The following ARMC8 variants were observed in gnomAD, a reference collection of about 807,000 sequenced individuals.
ARMC8 encodes armadillo repeat-containing protein 8.
Under a neutral mutation model 99.3 loss-of-function variants are expected in ARMC8, and 20 were observed. That is an observed-to-expected ratio of 0.20 (90% confidence interval 0.14 to 0.29). The LOEUF (loss-of-function observed/expected upper bound fraction) is 0.29. Ranked by LOEUF, ARMC8 falls within the 10% of genes least tolerant of loss-of-function variation. ARMC8 has a pLI of 1.00. For missense variants in ARMC8, 569 were observed against 809.5 expected (o/e 0.70, Z 3.60); for synonymous variants, 263 against 278.3 (o/e 0.95, Z 0.55).
At chr3:138,196,226 T>C (rs997384384) in intron 1 of ARMC8, among the ~76,000 whole-genome samples, 1 of 152,184 alleles carries the variant, frequency 6.6e-6, no homozygotes, top group Non-Finnish European at 1.5e-5. Context: ...ACAGGATTTA[T>C]GCCTTTTTGG....
chr3:138,191,614 A>T (rs1394790756), intron 1 of ARMC8, among the ~76,000 whole-genome samples: 5 of 151,992 alleles, frequency 3.3e-5, no homozygotes. Flanking sequence ...CACCGCAAAG[A>T]TCTCCCTCAT....
At chr3:138,277,695 A>G (rs994698090) in intron 18 of ARMC8, among the ~76,000 whole-genome samples, 9 of 152,346 alleles carry the variant, frequency 5.9e-5, no homozygotes, top group Admixed American at 5.2e-4. Flanking sequence ...TGGAAATGCA[A>G]AATAATACAG....
At chr3:138,197,509 A>C (rs765161533) in intron 1 of ARMC8, among the ~76,000 whole-genome samples, 2 of 152,204 alleles carry the variant, frequency 1.3e-5, no homozygotes, top group African/African-American at 4.8e-5. Context: ...CACCTCACCC[A>C]TATCTGAATA....
chr3:138,284,338 T>C, intron 18 of ARMC8, 93 bp from the exon 19 acceptor site: 1 of 867,598 alleles, frequency 1.2e-6, no homozygotes, highest in South Asian at 1.4e-5. Context: ...AGAATCCATG[T>C]ACCTTCAAGT....
At chr3:138,187,738 C>A in intron 1 of ARMC8, 139 bp downstream of exon 1, 2 of 945,026 alleles carry the variant, frequency 2.1e-6, no homozygotes, top group Non-Finnish European at 3.1e-6. Context: ...AGGGAGTGAG[C>A]GAGGGTGGAG....
At chr3:138,209,449 T>C (rs1189947794) in intron 1 of ARMC8, among the ~76,000 whole-genome samples, 1 of 152,230 alleles carries the variant, frequency 6.6e-6, no homozygotes, top group Admixed American at 6.5e-5. Flanking sequence ...TGATGATTCT[T>C]CTGAATGAAC....
chr3:138,264,351 A>C (rs911778768), intron 14 of ARMC8, 139 bp downstream of exon 14: 5 of 525,078 alleles, frequency 9.5e-6, no homozygotes, highest in Non-Finnish European at 1.7e-5. Context: ...CTCAAATCTG[A>C]TATTCTAAGC....
Position 138,273,060 on chromosome 3 carries a change from T to C in ARMC8, c.1573T>C (p.Leu525=). Residue 525 remains leucine (L), a synonymous_variant, in exon 17 of 22, where the codon TTG becomes CTG. Transcript: ENST00000469044. ...ATTCCGGTTATTATCAGATTCAGAT[T>C]TGAATGTGCTGATGAAGACATTGGG... is the stretch of plus-strand genomic sequence containing the variant. ...QLFRLLSDSD[L]NVLMKTLGLL... is the part of the protein sequence containing the mutation. The C allele has an allele frequency of 6.2e-7, 1 of 1,613,536 alleles. No individual in the cohort carries two copies. Among genetic ancestry groups the C allele is most frequent in the South Asian group, 1.1e-5 (1 of 90,938 alleles).
chr3:138,253,709 C>T (rs1387351162), intron 12 of ARMC8, among the ~76,000 whole-genome samples: 2 of 152,210 alleles, frequency 1.3e-5, no homozygotes, highest in Non-Finnish European at 2.9e-5. Flanking sequence ...TCTGTACACT[C>T]ATCATGTAAC....
chr3:138,293,759 A>G (rs2051211088), intron 21 of ARMC8, among the ~76,000 whole-genome samples: 2 of 152,138 alleles, frequency 1.3e-5, no homozygotes, highest in African/African-American at 2.4e-5. Flanking sequence ...TGGGGGTTTT[A>G]TCTCATATTT....
intron 2 of ARMC8, among the ~76,000 whole-genome samples, chr3:138,219,799 A>G (rs77984858): frequency 0.042 from 6,455 of 152,182 alleles, 451 homozygotes; most frequent in African/African-American, 0.14. Context: ...TGTTGCCATC[A>G]GTTACCTCCT....
intron 12 of ARMC8, chr3:138,261,497 T>TAG (rs2047739263): frequency 6.6e-6 from 1 of 152,150 alleles, no homozygotes; most frequent in Non-Finnish European, 1.5e-5. Context: ...AGTATGGAGC[T>TAG]AGAGGTCAGG....
intron 19 of ARMC8, chr3:138,287,877 A>G (rs978720406): frequency 3.4e-6 from 1 of 295,244 alleles, no homozygotes; most frequent in Non-Finnish European, 6.8e-6. Context: ...TTATTGACCA[A>G]TAGGACAATC....
intron 14 of ARMC8, among the ~76,000 whole-genome samples, chr3:138,265,877 G>A (rs1398784299): frequency 1.3e-5 from 2 of 152,128 alleles, no homozygotes; most frequent in African/African-American, 2.4e-5. Context: ...TATGTGTTGA[G>A]GTCCTGGAAT....
intron 14 of ARMC8, among the ~76,000 whole-genome samples, chr3:138,265,698 G>A (rs1022495200): frequency 1.3e-5 from 2 of 152,132 alleles, no homozygotes; most frequent in African/African-American, 2.4e-5. Context: ...TGTAGGGAAC[G>A]GCAAGTATAC....
intron 19 of ARMC8, among the ~76,000 whole-genome samples, chr3:138,288,360 C>T (rs2050619290): frequency 6.6e-6 from 1 of 152,198 alleles, no homozygotes; most frequent in African/African-American, 2.4e-5. Context: ...GGAAACATAG[C>T]CTAAGTCGAA....
intron 2 of ARMC8, among the ~76,000 whole-genome samples, chr3:138,210,642 A>G (rs1241331070): frequency 1.3e-5 from 2 of 152,278 alleles, no homozygotes; most frequent in East Asian, 1.9e-4. Context: ...AAAAGGGTCA[A>G]GATACATTTG....
chr3:138,192,560 T>C (rs1419475757), intron 1 of ARMC8, among the ~76,000 whole-genome samples: 1 of 152,028 alleles, frequency 6.6e-6, no homozygotes, highest in Admixed American at 6.6e-5. Flanking sequence ...TACAGGCTTA[T>C]TTATCCTTTT....
At chr3:138,252,330 G>A (rs1167910528) in intron 12 of ARMC8, among the ~76,000 whole-genome samples, 1 of 152,052 alleles carries the variant, frequency 6.6e-6, no homozygotes, top group African/African-American at 2.4e-5. Context: ...TTGCACTACC[G>A]AGGCAAGTTG....
Sources: gnomAD v4.1 joint callset for allele counts (sites outside exome capture counted in the v4.1 genomes callset) on GRCh38, gnomAD v4.1.1 for gene constraint, MANE v1.5 for transcripts, NCBI Gene and HGNC (gene_info 2026-07-23, HGNC 2026-07-21) for gene names.